The following SHLD1 variants were observed in gnomAD, a reference collection of about 807,000 sequenced individuals.
SHLD1 encodes the protein RINN1-REV7-interacting novel NHEJ regulator 3.
A neutral mutation model predicts 5.5 loss-of-function variants in SHLD1; 3 were observed. That is an observed-to-expected ratio of 0.54 (90% CI 0.25 to 1.40). The LOEUF (loss-of-function observed/expected upper bound fraction) is 1.40, where lower values mean the gene tolerates loss of function less well. Ranked by LOEUF, SHLD1 falls within the 40% of genes most tolerant of loss-of-function variation. The pLI is 0.15. For missense variants in SHLD1, 210 were observed against 244.4 expected (o/e 0.86, Z 0.94); for synonymous variants, 92 against 94.3 (o/e 0.98, Z 0.14).
chr20:5,844,906 TGCCTCA>T (rs2122477704), intron 2 of SHLD1, among the ~76,000 whole-genome samples: 1 of 151,390 alleles, frequency 6.6e-6, no homozygotes, highest in South Asian at 2.1e-4. Flanking sequence ...ATGATTCTTG[TGCCTCA>T]GCCTCCCGAG....
chr20:5,846,007 G>T (rs1188738609), intron 2 of SHLD1, among the ~76,000 whole-genome samples: 1 of 152,190 alleles, frequency 6.6e-6, no homozygotes, highest in Non-Finnish European at 1.5e-5. Context: ...GATATGGAAT[G>T]AAATCTGTTT....
chr20:5,863,306 G>A lies in SHLD1; in HGVS notation c.461G>A (p.Arg154Gln), dbSNP rs41282138. Reference sequence around the variant, plus strand: ...CAAATGGCCCGGGTGATCTTCAACCGGGACGGCTGCTCCGTCTTACAGAGG... The same window carrying A: ...CAAATGGCCCGGGTGATCTTCAACCAGGACGGCTGCTCCGTCTTACAGAGG... The part of the protein sequence containing the change: ...SFQMARVIFN[R>Q]DGCSVLQRHS... The change falls in exon 3 of 3, where the codon CGG (arginine) becomes CAG (glutamine). Residue 154 changes from arginine to glutamine, a missense_variant. Transcript: ENST00000303142. The A allele has an allele frequency of 0.038, 61,720 of 1,614,138 alleles. 1,403 individuals are homozygous for A. The highest frequency in any genetic ancestry group is 0.079 in the Middle Eastern group (478 of 6,062).
chr20:5,795,376 C>T (rs140139016), intron 2 of SHLD1, among the ~76,000 whole-genome samples: 1,677 of 152,182 alleles, frequency 0.011, 39 homozygotes, highest in African/African-American at 0.039. Flanking sequence ...GTGGGCAGAT[C>T]ACTTGAAGTC....
intron 2 of SHLD1, among the ~76,000 whole-genome samples, chr20:5,834,142 G>A (rs541500289): frequency 6.6e-6 from 1 of 152,292 alleles, no homozygotes; most frequent in South Asian, 2.1e-4. Context: ...CAGATCGGGA[G>A]CTACCATTCC....
chr20:5,804,353 A>G lies in SHLD1; in HGVS notation c.178+31310A>G, dbSNP rs56311505. On this transcript the variant is annotated intron_variant, in intron 2 of 2. Coordinates refer to ENST00000303142, the MANE Select transcript of SHLD1 (RefSeq NM_152504.4). ...CATTTGTATATCGCAAAAAAAAACT[A>G]TATATATATATACAGTTACTGTAAG... Among the ~76,000 whole-genome samples, 678 of 95,666 alleles carry G rather than the reference A, an allele frequency of 7.1e-3. 4 individuals carry two copies. The highest frequency in any genetic ancestry group is 0.028 in the African/African-American group (587 of 21,094). 62.8% of individuals were successfully genotyped at this position (95,666 alleles called of 152,430 possible).
chr20:5,838,418 C>A (rs1030256298), intron 2 of SHLD1, among the ~76,000 whole-genome samples: 1 of 152,152 alleles, frequency 6.6e-6, no homozygotes, highest in African/African-American at 2.4e-5. Flanking sequence ...CTTTTAAAAG[C>A]TATGAGTATA....
chr20:5,752,604 TA>T (rs772914869), intron 1 of SHLD1, among the ~76,000 whole-genome samples: 20 of 146,722 alleles, frequency 1.4e-4, no homozygotes, highest in Non-Finnish European at 2.5e-4. Flanking sequence ...GTCAAAGAAA[TA>T]TATTTTGGGG....
intron 2 of SHLD1, among the ~76,000 whole-genome samples, chr20:5,782,116 T>G (rs1041017286): frequency 5.3e-5 from 8 of 152,200 alleles, no homozygotes; most frequent in African/African-American, 1.9e-4. Context: ...CAGAGATGGC[T>G]GAATTGAATC....
At chr20:5,752,688 C>G (rs1029132986) in intron 1 of SHLD1, among the ~76,000 whole-genome samples, 8 of 147,734 alleles carry the variant, frequency 5.4e-5, no homozygotes, top group African/African-American at 1.8e-4. Flanking sequence ...GCGATCTCGG[C>G]TCACTGCAAC....
intron 2 of SHLD1, among the ~76,000 whole-genome samples, chr20:5,786,313 A>T (rs1600120746): frequency 6.6e-6 from 1 of 152,150 alleles, no homozygotes; most frequent in African/African-American, 2.4e-5. Flanking sequence ...GCAGTGGCTC[A>T]CCCTTGTGAT....
chr20:5,758,924 T>G (rs1313324246), intron 1 of SHLD1, among the ~76,000 whole-genome samples: 1 of 151,630 alleles, frequency 6.6e-6, no homozygotes, highest in Non-Finnish European at 1.5e-5. Context: ...AAATGTGTTT[T>G]TTTTTTTTTC....
chr20:5,773,029 C>A lies in SHLD1; in HGVS notation c.164C>A (p.Ser55Tyr). 1.2e-6 allele frequency: 2 copies of A among 1,614,170 alleles called. No homozygotes were observed. The highest frequency in any genetic ancestry group is 8.5e-7 in the Non-Finnish European group (1 of 1,180,026). ...SLEFHSFPYS[S>Y]DVDPDTSNLN... ...GAATTCCATTCTTTTCCTTATTCTT[C>A]TGATGTGGATCCAGGTAATAAGCAG... Residue 55 changes from serine to tyrosine, a missense_variant, in exon 2 of 3, where the codon TCT becomes TAT. Transcript: ENST00000303142.
intron 2 of SHLD1, among the ~76,000 whole-genome samples, chr20:5,825,965 G>A (rs2087660923): frequency 6.6e-6 from 1 of 152,188 alleles, no homozygotes; most frequent in African/African-American, 2.4e-5. Context: ...CTCAGGGTTG[G>A]GATGTGAGTG....
At chr20:5,841,659 C>T (rs1464854298) in intron 2 of SHLD1, among the ~76,000 whole-genome samples, 1 of 152,192 alleles carries the variant, frequency 6.6e-6, no homozygotes, top group Non-Finnish European at 1.5e-5. Flanking sequence ...CTCCATGACT[C>T]ATAATTTCTG....
At chr20:5,841,612 A>G (rs2087861806) in intron 2 of SHLD1, among the ~76,000 whole-genome samples, 1 of 152,236 alleles carries the variant, frequency 6.6e-6, no homozygotes. Flanking sequence ...AGAAAATTCT[A>G]AAATGTTAAT....
At chr20:5,853,623 A>T (rs990292326) in intron 2 of SHLD1, among the ~76,000 whole-genome samples, 1 of 152,070 alleles carries the variant, frequency 6.6e-6, no homozygotes, top group African/African-American at 2.4e-5. Context: ...GAGTGATCCA[A>T]ACTTTTATTA....
intron 1 of SHLD1, among the ~76,000 whole-genome samples, chr20:5,761,682 A>G (rs898194975): frequency 6.7e-6 from 1 of 148,356 alleles, no homozygotes; most frequent in Non-Finnish European, 1.5e-5. Context: ...ATATCGGCTC[A>G]CTGCAACCTC....
At chr20:5,843,722 C>T (rs2087894594) in intron 2 of SHLD1, among the ~76,000 whole-genome samples, 1 of 152,160 alleles carries the variant, frequency 6.6e-6, no homozygotes, top group Admixed American at 6.5e-5. Context: ...ATATTTTATC[C>T]AACAGTTTTA....
intron 2 of SHLD1, among the ~76,000 whole-genome samples, chr20:5,823,805 C>T (rs1311825019): frequency 6.6e-6 from 1 of 152,174 alleles, no homozygotes; most frequent in African/African-American, 2.4e-5. Context: ...GCATTCAAAG[C>T]CATCCTGGGT....
Sources: allele counts gnomAD v4.1 joint callset (sites outside exome capture counted in the v4.1 genomes callset), GRCh38; gene constraint gnomAD v4.1.1; transcripts MANE v1.5; gene names NCBI Gene and HGNC (gene_info 2026-07-23, HGNC 2026-07-21).